Variants in EVI5 observed in about 807,000 individuals in gnomAD.
EVI5 encodes the protein ecotropic viral integration site 5.
Under a neutral mutation model 112.0 loss-of-function variants are expected in EVI5, and 73 were observed. The ratio of observed to expected loss-of-function variants is 0.65; its 90% CI spans 0.54 to 0.79. EVI5 has a LOEUF of 0.79. Ranked by LOEUF, EVI5 falls within the 30% of genes least tolerant of loss-of-function variation. The pLI, the probability that EVI5 is intolerant of heterozygous loss-of-function variation, is 0.00. For missense variants in EVI5, 900 were observed against 968.8 expected (o/e 0.93, Z 0.94); for synonymous variants, 305 against 319.9 (o/e 0.95, Z 0.50).
chr1:92,753,421 T>C (rs1680486704), intron 1 of EVI5, among the ~76,000 whole-genome samples: 1 of 152,228 alleles, frequency 6.6e-6, no homozygotes, highest in African/African-American at 2.4e-5. Flanking sequence ...TCAGTTAAGA[T>C]TCTCTAGTAG....
intron 19 of EVI5, among the ~76,000 whole-genome samples, chr1:92,559,498 G>A (rs1444508085): frequency 6.6e-6 from 1 of 152,062 alleles, no homozygotes; most frequent in African/African-American, 2.4e-5. Context: ...TTCTGGCTGG[G>A]CATGGTGGCT....
chr1:92,756,257 AT>A, intron 1 of EVI5: 1 of 430,830 alleles, frequency 2.3e-6, no homozygotes, highest in Non-Finnish European at 4.7e-6. Flanking sequence ...TGCCCATTTC[AT>A]TGAATTTGTT....
intron 19 of EVI5, among the ~76,000 whole-genome samples, chr1:92,543,075 A>G (rs1665089743): frequency 1.3e-5 from 2 of 152,190 alleles, no homozygotes; most frequent in African/African-American, 4.8e-5. Context: ...CCCTAACGAG[A>G]GAGCCATTTG....
intron 18 of EVI5, among the ~76,000 whole-genome samples, chr1:92,585,431 G>C (rs1460025357): frequency 1.3e-5 from 2 of 152,102 alleles, no homozygotes; most frequent in Non-Finnish European, 2.9e-5. Flanking sequence ...CAAAGCTGTA[G>C]TACGCTGTGA....
rs565853959 is a variant in EVI5, at chr1:92,693,683, T to C, written c.1097+119A>G. The C allele has an allele frequency of 9.5e-6, 6 of 629,874 alleles. 1 individual carries two copies. In the Admixed American group the frequency reaches 1.6e-4, roughly 17 times the overall value. 39.0% of individuals were successfully genotyped at this position (629,874 alleles called of 1,614,324 possible). ...ATATTCCAACATTAGCTTTATGCTA[T>C]ATTGAAACCAATACCACCGAAGAAA... On this transcript the variant is annotated intron_variant, in intron 9 of 19. Coordinates refer to ENST00000684568, the MANE Select transcript of EVI5 (RefSeq NM_001350197.2).
intron 18 of EVI5, among the ~76,000 whole-genome samples, chr1:92,564,724 G>A (rs1241383447): frequency 6.6e-6 from 1 of 150,588 alleles, no homozygotes; most frequent in Non-Finnish European, 1.5e-5. Flanking sequence ...CTGTCACCCA[G>A]GCTGGAGTGC....
intron 9 of EVI5, among the ~76,000 whole-genome samples, chr1:92,682,816 C>T (rs1339541396): frequency 6.6e-6 from 1 of 152,170 alleles, no homozygotes; most frequent in African/African-American, 2.4e-5. Context: ...CCTGAAATTT[C>T]CTCCTCTGCC....
At chr1:92,770,126 A>G (rs1683166954) in intron 1 of EVI5, among the ~76,000 whole-genome samples, 2 of 152,232 alleles carry the variant, frequency 1.3e-5, no homozygotes, top group South Asian at 4.1e-4. Context: ...AGCCTCCAGA[A>G]GAAACCAGCC....
At chr1:92,539,560 A>AAAAAAAAACC (rs1553174065) in intron 19 of EVI5, among the ~76,000 whole-genome samples, 4 of 137,732 alleles carry the variant, frequency 2.9e-5, no homozygotes, top group East Asian at 2.1e-4. Flanking sequence ...AAAAAAAAAA[A>AAAAAAAAACC]AAAAAATCTT....
chr1:92,517,885 CTTTTTTTTTTT>C (rs35504849), intron 19 of EVI5, among the ~76,000 whole-genome samples: 1 of 102,240 alleles, frequency 9.8e-6, no homozygotes, highest in East Asian at 2.5e-4. Context: ...ATATTATATG[CTTTTTTTTTTT>C]TTTTTTTTTT....
intron 18 of EVI5, among the ~76,000 whole-genome samples, chr1:92,596,323 G>A (rs896359785): frequency 5.3e-5 from 8 of 152,236 alleles, no homozygotes; most frequent in South Asian, 4.1e-4. Flanking sequence ...CTGCGCCACC[G>A]CATTACAGCT....
At chr1:92,582,080 G>A (rs1243206692) in intron 18 of EVI5, among the ~76,000 whole-genome samples, 1 of 152,192 alleles carries the variant, frequency 6.6e-6, no homozygotes, top group African/African-American at 2.4e-5. Flanking sequence ...TTAAATGGTA[G>A]TGCCCACTAT....
At chr1:92,551,961 T>A (rs1254806363) in intron 19 of EVI5, among the ~76,000 whole-genome samples, 1 of 152,180 alleles carries the variant, frequency 6.6e-6, no homozygotes, top group East Asian at 1.9e-4. Flanking sequence ...GTTGGGACCA[T>A]CTCTTCAGAA....
chr1:92,589,012 G>A (rs1254599337), intron 18 of EVI5, among the ~76,000 whole-genome samples: 7 of 152,208 alleles, frequency 4.6e-5, no homozygotes, highest in African/African-American at 1.7e-4. Context: ...AGTAGTGTGA[G>A]ATGGTATAAG....
rs937600337 is a variant in EVI5, at chr1:92,722,301, A to G, written c.149+14097T>C. ...ACTGATATTTCATATCCTTTGATCA[A>G]TATCTTTTTTTTAAATTTTATTATT... On this transcript the variant is annotated intron_variant, in intron 2 of 19. Coordinates refer to ENST00000684568, the MANE Select transcript of EVI5 (RefSeq NM_001350197.2). Among the ~76,000 whole-genome samples, 315 of 152,116 alleles carry G rather than the reference A, an allele frequency of 2.1e-3. 10 individuals are homozygous for G. The highest frequency in any genetic ancestry group is 6.3e-4 in the Non-Finnish European group (43 of 67,994).
chr1:92,679,467 C>T (rs771095258), intron 9 of EVI5, among the ~76,000 whole-genome samples: 1 of 152,140 alleles, frequency 6.6e-6, no homozygotes, highest in Non-Finnish European at 1.5e-5. Context: ...AAATATCACT[C>T]ATTTATACAC....
At chr1:92,701,825 T>C (rs1224761950) in intron 5 of EVI5, among the ~76,000 whole-genome samples, 1 of 150,234 alleles carries the variant, frequency 6.7e-6, no homozygotes, top group Non-Finnish European at 1.5e-5. Context: ...ATTTCCTCCT[T>C]GGTTAGAAAA....
intron 1 of EVI5, among the ~76,000 whole-genome samples, chr1:92,759,701 A>T (rs1681503704): frequency 6.6e-6 from 1 of 152,110 alleles, no homozygotes; most frequent in Non-Finnish European, 1.5e-5. Flanking sequence ...TATAGGTGGG[A>T]TCATACTTAT....
At chr1:92,791,761 A>C (rs183219724) in intron 1 of EVI5, among the ~76,000 whole-genome samples, 1 of 151,822 alleles carries the variant, frequency 6.6e-6, no homozygotes, top group Non-Finnish European at 1.5e-5. Context: ...AAAAAAAAAA[A>C]GGATGAGGTG....
Sources: gnomAD v4.1 joint callset for allele counts (sites outside exome capture counted in the v4.1 genomes callset) on GRCh38, gnomAD v4.1.1 for gene constraint, MANE v1.5 for transcripts, NCBI Gene and HGNC (gene_info 2026-07-23, HGNC 2026-07-21) for gene names.